Variants in NIPSNAP1 observed in about 807,000 individuals in gnomAD.
NIPSNAP1 encodes the protein protein NipSnap homolog 1.
Under a neutral mutation model 49.2 loss-of-function variants are expected in NIPSNAP1, and 25 were observed. That is an observed-to-expected ratio of 0.51 (90% CI 0.37 to 0.71). NIPSNAP1 has a LOEUF of 0.71. Ranked by LOEUF, NIPSNAP1 falls within the 30% of genes least tolerant of loss-of-function variation. The pLI, the probability that NIPSNAP1 is intolerant of heterozygous loss-of-function variation, is 0.00. For missense variants in NIPSNAP1, 294 were observed against 361.0 expected, an observed-to-expected ratio of 0.81 and a Z score of 1.50; for synonymous variants, 143 against 140.7, an observed-to-expected ratio of 1.02 and a Z score of -0.12.
intron 1 of NIPSNAP1, among the ~76,000 whole-genome samples, chr22:29,573,633 T>C (rs1456960706): frequency 6.6e-6 from 1 of 151,972 alleles, no homozygotes; most frequent in South Asian, 2.1e-4. Flanking sequence ...CCAGGCGTGG[T>C]GGTGCATGCC....
At position 29,567,687 on chromosome 22, in the gene NIPSNAP1, T is replaced by C. The variant is rs146317485; in HGVS notation, c.367+1506A>G. On this transcript the variant is annotated intron_variant, in intron 4 of 9. Transcript: ENST00000216121. The stretch of plus-strand genomic sequence containing the variant: ...GGGTAACATAGGGAGATCCCGTCTC[T>C]ACAAAAAATTTAAAATAAATTAGTT... Among the ~76,000 whole-genome samples, 1,297 of 152,004 alleles carry C rather than the reference T, an allele frequency of 8.5e-3. 15 individuals carry two copies. The highest frequency in any genetic ancestry group is 0.03 in the African/African-American group (1,248 of 41,458).
At chr22:29,560,640 T>C (rs2064328666) in intron 8 of NIPSNAP1, 94 bp downstream of exon 8, 1 of 948,064 alleles carries the variant, frequency 1.1e-6, no homozygotes, top group Non-Finnish European at 1.7e-6. Context: ...GAACATTAAG[T>C]TCTATGAGGA....
At chr22:29,573,286 C>T (rs9613961) in intron 1 of NIPSNAP1, among the ~76,000 whole-genome samples, 36,730 of 151,916 alleles carry the variant, frequency 0.24, 4,542 homozygotes, top group Non-Finnish European at 0.29. Context: ...CCACCTGCCT[C>T]GGCCTCTCAA....
chr22:29,580,652 G>T (rs539062665), intron 1 of NIPSNAP1, among the ~76,000 whole-genome samples: 1 of 152,108 alleles, frequency 6.6e-6, no homozygotes, highest in African/African-American at 2.4e-5. Context: ...GAAGCCCCCA[G>T]TGGGTGTTAA....
At chr22:29,571,494 C>A (rs1172165756) in intron 1 of NIPSNAP1, among the ~76,000 whole-genome samples, 1 of 152,200 alleles carries the variant, frequency 6.6e-6, no homozygotes, top group Non-Finnish European at 1.5e-5. Context: ...CTGCTGCCAG[C>A]TCCTACTGGA....
chr22:29,573,555 G>A (rs2064426604), intron 1 of NIPSNAP1, among the ~76,000 whole-genome samples: 1 of 152,022 alleles, frequency 6.6e-6, no homozygotes, highest in Admixed American at 6.6e-5. Flanking sequence ...GATTACCTGA[G>A]GTCGGGAGTT....
intron 1 of NIPSNAP1, among the ~76,000 whole-genome samples, chr22:29,571,522 T>C (rs1378452771): frequency 1.3e-5 from 2 of 152,168 alleles, no homozygotes; most frequent in African/African-American, 4.8e-5. Context: ...TGCACTCCCA[T>C]CCTAAACACA....
At chr22:29,567,341 CAAG>C (rs759852709) in intron 4 of NIPSNAP1, among the ~76,000 whole-genome samples, 14 of 152,170 alleles carry the variant, frequency 9.2e-5, no homozygotes, top group East Asian at 1.9e-4. Flanking sequence ...CCAGCTCAGA[CAAG>C]AAGAACTCCT....
chr22:29,570,352 G>A, intron 2 of NIPSNAP1, 53 bp downstream of exon 2: 1 of 1,613,438 alleles, frequency 6.2e-7, no homozygotes, highest in South Asian at 1.1e-5. Context: ...GAGCCTCACA[G>A]GCCCCCAGAG....
chr22:29,575,660 C>G (rs754291243), intron 1 of NIPSNAP1, among the ~76,000 whole-genome samples: 1 of 152,070 alleles, frequency 6.6e-6, no homozygotes, highest in Non-Finnish European at 1.5e-5. Flanking sequence ...ATAATCCCAG[C>G]ACTTTGGGAG....
At chr22:29,574,289 A>AAAAAAAAAAGAAAAGAAAGAAAAAG (rs2064434492) in intron 1 of NIPSNAP1, among the ~76,000 whole-genome samples, 1 of 125,262 alleles carries the variant, frequency 8.0e-6, no homozygotes, top group Non-Finnish European at 1.6e-5. Flanking sequence ...AAAAAAAAAA[A>AAAAAAAAAAGAAAAGAAAGAAAAAG]AAAGAAAGAA....
intron 4 of NIPSNAP1, chr22:29,564,397 A>C (rs2064356004): frequency 2.1e-6 from 1 of 470,854 alleles, no homozygotes; most frequent in Non-Finnish European, 4.4e-6. Context: ...TAACGGAGAA[A>C]AGTTACAAGG....
intron 7 of NIPSNAP1, 105 bp from the exon 8 acceptor site, chr22:29,560,933 C>T (rs1445774983): frequency 1.4e-5 from 16 of 1,105,856 alleles, no homozygotes; most frequent in African/African-American, 3.1e-5. Flanking sequence ...GTGGAACCCA[C>T]GGTCCTCCGG....
At position 29,581,035 on chromosome 22, in the gene NIPSNAP1, C is replaced by A; in HGVS notation, c.48G>T (p.Leu16=). 2.6e-6 allele frequency: 4 copies of A among 1,538,536 alleles called. No individual in the cohort carries two copies. The highest frequency in any genetic ancestry group is 3.5e-6 in the Non-Finnish European group (4 of 1,145,398). Reference sequence around the variant, plus strand: ...CCCCAGCGCGAGGCCCCGGGCCCCCCAGCAGCCGCCGCGCCGTCACAGAGA... The same window carrying A: ...CCCCAGCGCGAGGCCCCGGGCCCCCAAGCAGCCGCCGCGCCGTCACAGAGA... ...CSISVTARRL[L]GGPGPRAGDV... Residue 16 remains leucine, a synonymous_variant, in exon 1 of 10, where the codon CTG becomes CTT. Transcript: ENST00000216121.
intron 9 of NIPSNAP1, among the ~76,000 whole-genome samples, chr22:29,556,913 C>G (rs1190124220): frequency 6.6e-6 from 1 of 151,682 alleles, no homozygotes; most frequent in Non-Finnish European, 1.5e-5. Flanking sequence ...CTATGCCTGG[C>G]TAATTTTGTA....
At chr22:29,569,872 C>T (rs1162219699) in intron 3 of NIPSNAP1, 18 of 445,350 alleles carry the variant, frequency 4.0e-5, no homozygotes, top group Admixed American at 1.0e-4. Flanking sequence ...GCCTGTAATC[C>T]GAGCTACTTG....
chr22:29,564,292 C>T (rs1485329580), intron 4 of NIPSNAP1: 1 of 469,522 alleles, frequency 2.1e-6, no homozygotes, highest in Non-Finnish European at 4.4e-6. Context: ...ATGGCCTGAC[C>T]CTATGGTTTA....
intron 4 of NIPSNAP1, among the ~76,000 whole-genome samples, 185 bp downstream of exon 4, chr22:29,569,008 C>T (rs574274946): frequency 4.2e-4 from 64 of 152,094 alleles, no homozygotes; most frequent in South Asian, 1.7e-3. Context: ...ACAGGCTTCA[C>T]GGGTCACCTT....
intron 1 of NIPSNAP1, among the ~76,000 whole-genome samples, chr22:29,573,130 G>A (rs913382627): frequency 1.9e-4 from 29 of 152,020 alleles, no homozygotes; most frequent in African/African-American, 5.1e-4. Context: ...TCCACCTCCC[G>A]GGTTCAAGTG....
Sources: allele counts gnomAD v4.1 joint callset (sites outside exome capture counted in the v4.1 genomes callset), GRCh38; gene constraint gnomAD v4.1.1; transcripts MANE v1.5; gene names NCBI Gene and HGNC (gene_info 2026-07-23, HGNC 2026-07-21).